Variants in FCRL5 observed in about 807,000 individuals in gnomAD.
FCRL5 encodes the protein Fc receptor-like protein 5.
Under a neutral mutation model 92.1 loss-of-function variants are expected in FCRL5, and 79 were observed. That is an observed-to-expected ratio of 0.86 (90% CI 0.72 to 1.03). FCRL5 has a LOEUF of 1.03. Ranked by LOEUF, FCRL5 falls within the 50% of genes least tolerant of loss-of-function variation. The pLI is 0.00. For synonymous variants in FCRL5, 466 were observed against 469.3 expected (o/e 0.99, Z 0.09); for missense variants, 1,160 against 1,181.1 (o/e 0.98, Z 0.26).
At chr1:157,528,815 A>T (rs1241170586) in intron 8 of FCRL5, 1 of 152,234 alleles carries the variant, frequency 6.6e-6, no homozygotes, top group African/African-American at 2.4e-5. Context: ...TCAACTCAAG[A>T]TGGATCAAAG....
chr1:157,520,515 T>A lies in FCRL5; in HGVS notation c.2548A>T (p.Thr850Ser). Reference protein sequence around the residue: ...LTANRSGPFATGVAGGLLSIA... With the variant: ...LTANRSGPFASGVAGGLLSIA... ...CTGAGCAGGCCCCCGGCGACTCCTGTGGCAAAAGGGCCACTTCTGTTCGCG... is the reference window on the plus strand; with the variant it reads ...CTGAGCAGGCCCCCGGCGACTCCTGAGGCAAAAGGGCCACTTCTGTTCGCG... The change falls in exon 12 of 17, where the codon ACA becomes TCA. Residue 850 changes from threonine (T) to serine (S), a missense_variant. Physicochemically the swap from Thr to Ser is moderately conservative, Grantham distance 58. Coordinates refer to ENST00000361835, the MANE Select transcript of FCRL5 (RefSeq NM_031281.3). 2 of 1,578,998 alleles carry A rather than the reference T, an allele frequency of 1.3e-6. No individual in the cohort carries two copies. Among genetic ancestry groups the A allele is most frequent in the Non-Finnish European group, 1.7e-6 (2 of 1,162,338 alleles).
chr1:157,544,791 C>A, intron 4 of FCRL5, 40 bp downstream of exon 4: 1 of 1,612,486 alleles, frequency 6.2e-7, no homozygotes, highest in Non-Finnish European at 8.5e-7. Flanking sequence ...AAGGAATCTC[C>A]TTTTGACCAA....
chr1:157,542,699 G>C, intron 6 of FCRL5, 160 bp downstream of exon 6: 1 of 873,164 alleles, frequency 1.1e-6, no homozygotes, highest in Non-Finnish European at 1.8e-6. Context: ...AGACTCAAGA[G>C]GCAGACAGCT....
chr1:157,520,926 T>G, intron 11 of FCRL5, 91 bp downstream of exon 11: 1 of 1,416,918 alleles, frequency 7.1e-7, no homozygotes, highest in Non-Finnish European at 9.6e-7. Flanking sequence ...CCCTGAGGAG[T>G]GCCTTTCTGA....
intron 8 of FCRL5, chr1:157,534,210 C>T: frequency 1.5e-5 from 8 of 524,450 alleles, no homozygotes; most frequent in South Asian, 1.3e-4. Flanking sequence ...TCCAAATCTA[C>T]CATAAGATTG....
At chr1:157,551,284 T>C (rs1651798360) in intron 1 of FCRL5, among the ~76,000 whole-genome samples, 1 of 152,186 alleles carries the variant, frequency 6.6e-6, no homozygotes, top group Non-Finnish European at 1.5e-5. Flanking sequence ...GCTCAGGACC[T>C]GGCCATTACC....
rs575365159 is a variant in FCRL5, at chr1:157,519,396, G to C, written c.2660+347C>G. 2.0e-5 allele frequency among the ~76,000 whole-genome samples: 3 copies of C among 152,302 alleles called. No individual in the cohort carries two copies. The East Asian group carries it at 5.8e-4, about 29-fold the overall frequency. On this transcript the variant is annotated intron_variant, in intron 13 of 16. Transcript: ENST00000361835. ...GGTGTTGATGAGATCAGCATCTCCA[G>C]AGATTTCTAGGTTGACTGAGCTAAG...
chr1:157,517,862 G>C (rs543504383), intron 15 of FCRL5, among the ~76,000 whole-genome samples: 1 of 152,296 alleles, frequency 6.6e-6, no homozygotes, highest in African/African-American at 2.4e-5. Context: ...GCATTTGGAG[G>C]TGGAGCCTTT....
chr1:157,534,492 A>T (rs1436616113), intron 8 of FCRL5, 122 bp downstream of exon 8: 6 of 1,197,788 alleles, frequency 5.0e-6, no homozygotes, highest in Non-Finnish European at 7.4e-6. Flanking sequence ...GTTGAGGAGG[A>T]AGCCAAGAAG....
At chr1:157,549,534 G>A in intron 2 of FCRL5, 26 bp downstream of exon 2, 3 of 1,606,886 alleles carry the variant, frequency 1.9e-6, no homozygotes, top group Non-Finnish European at 1.7e-6. Context: ...CAGAGACGCT[G>A]AAGAGCCAAA....
At chr1:157,531,229 A>G (rs1031296983) in intron 8 of FCRL5, among the ~76,000 whole-genome samples, 1 of 152,224 alleles carries the variant, frequency 6.6e-6, no homozygotes, top group African/African-American at 2.4e-5. Context: ...AATGGTCAAT[A>G]TCACTAATTA....
At chr1:157,537,223 G>A (rs35486944) in intron 7 of FCRL5, among the ~76,000 whole-genome samples, 13,313 of 152,216 alleles carry the variant, frequency 0.087, 1,568 homozygotes, top group African/African-American at 0.27. Flanking sequence ...AAATAGGAGA[G>A]ATATCACTGA....
chr1:157,544,623 G>C, intron 4 of FCRL5, 77 bp from the exon 5 acceptor site: 1 of 1,536,836 alleles, frequency 6.5e-7, no homozygotes, highest in Non-Finnish European at 8.9e-7. Flanking sequence ...TCAAGCAGCA[G>C]CACATCCAAA....
chr1:157,544,756 C>G (rs1158992780), intron 4 of FCRL5, 75 bp downstream of exon 4: 6 of 1,570,666 alleles, frequency 3.8e-6, no homozygotes, highest in Non-Finnish European at 5.2e-6. Context: ...CCACCCTTTT[C>G]CTCCTGTTCT....
intron 7 of FCRL5, among the ~76,000 whole-genome samples, chr1:157,537,703 CG>C (rs1651034184): frequency 1.3e-5 from 2 of 152,136 alleles, no homozygotes; most frequent in South Asian, 4.2e-4. Context: ...CATGTGATGT[CG>C]CCCCCGGACA....
At chr1:157,544,199 T>C in intron 5 of FCRL5, 63 bp downstream of exon 5, 3 of 1,573,664 alleles carry the variant, frequency 1.9e-6, no homozygotes, top group Non-Finnish European at 2.6e-6. Context: ...CACGCTGATA[T>C]GCAGCCCTGT....
intron 6 of FCRL5, 134 bp from the exon 7 acceptor site, chr1:157,539,498 A>G (rs1179026779): frequency 3.9e-6 from 3 of 763,588 alleles, no homozygotes; most frequent in African/African-American, 1.8e-5. Flanking sequence ...TTTCAGGCAA[A>G]CCTGCTTTTT....
rs571376086 is a variant in FCRL5 at position 157,519,748 on chromosome 1, G to A, written c.2655C>T (p.Pro885=). Residue 885 remains proline (P), a synonymous_variant, in exon 13 of 17, where the codon CCC becomes CCT. Transcript: ENST00000361835. ...RKAGRKPASD[P]ARSPSDSDSQ... ...GAATGCAGCTCAGCTCTTACCTGGC[G>A]GGGTCAGAGGCAGGCTTTCTCCCTG... 3.2e-5 allele frequency: 51 copies of A among 1,613,948 alleles called. No homozygotes were observed. The East Asian group carries it at 7.6e-4, about 24-fold the overall frequency.
At chr1:157,546,858 G>C in intron 3 of FCRL5, 85 bp downstream of exon 3, 1 of 1,502,432 alleles carries the variant, frequency 6.7e-7, no homozygotes, top group Non-Finnish European at 9.0e-7. Flanking sequence ...CTCATGAAGG[G>C]TCTGAGGTAA....
Sources: gnomAD v4.1 joint callset for allele counts (sites outside exome capture counted in the v4.1 genomes callset) on GRCh38, gnomAD v4.1.1 for gene constraint, MANE v1.5 for transcripts, NCBI Gene and HGNC (gene_info 2026-07-23, HGNC 2026-07-21) for gene names.